Variants in NF1 observed in about 807,000 individuals in gnomAD.
NF1 encodes the protein neurofibromin 1, also known as neurofibromin.
A neutral mutation model predicts 325.7 loss-of-function variants in NF1; 122 were observed. The ratio of observed to expected loss-of-function variants is 0.37; its 90% CI spans 0.32 to 0.44. NF1 has a LOEUF of 0.44. Ranked by LOEUF, NF1 falls within the 20% of genes least tolerant of loss-of-function variation. NF1 has a pLI of 1.00. For missense variants in NF1, 2,140 were observed against 3,415.4 expected (o/e 0.63, Z 9.31); for synonymous variants, 1,091 against 1,186.0 (o/e 0.92, Z 1.65).
At chr17:31,292,082 C>A (rs1178259185) in intron 36 of NF1, among the ~76,000 whole-genome samples, 9 of 152,064 alleles carry the variant, frequency 5.9e-5, no homozygotes, top group Admixed American at 5.9e-4. Flanking sequence ...TTCTGCCAGC[C>A]CATTTTATAG....
At chr17:31,216,399 C>T (rs759298269) in intron 13 of NF1, among the ~76,000 whole-genome samples, 3 of 152,056 alleles carry the variant, frequency 2.0e-5, no homozygotes, top group Non-Finnish European at 4.4e-5. Context: ...ATAGAAGATT[C>T]GTTGTAAATA....
At chr17:31,331,979 G>T (rs1351192175) in intron 39 of NF1, 1 of 126,588 alleles carries the variant, frequency 7.9e-6, no homozygotes, top group African/African-American at 3.1e-5. Context: ...AAAAGAAGAG[G>T]AACAAGTGAA....
intron 37 of NF1, 49 bp from the exon 38 acceptor site, chr17:31,327,450 A>AAT: frequency 6.9e-7 from 1 of 1,448,426 alleles, no homozygotes; most frequent in Non-Finnish European, 9.6e-7. Flanking sequence ...AATTTTATGT[A>AAT]AAAGAGTTTA....
intron 57 of NF1, chr17:31,361,667 G>A (rs2070404003): frequency 6.6e-6 from 1 of 151,954 alleles, no homozygotes; most frequent in Non-Finnish European, 1.5e-5. Flanking sequence ...TTAAGTGTTA[G>A]CATAAATTTA....
intron 57 of NF1, among the ~76,000 whole-genome samples, chr17:31,373,025 A>C (rs2070674304): frequency 6.6e-6 from 1 of 152,180 alleles, no homozygotes; most frequent in South Asian, 2.1e-4. Flanking sequence ...CTAAATAAAT[A>C]ATCAATCATT....
intron 36 of NF1, chr17:31,318,875 T>G (rs571666003): frequency 1.2e-6 from 2 of 1,614,114 alleles, no homozygotes; most frequent in Non-Finnish European, 1.7e-6. Context: ...TTGTTTTGAA[T>G]AACTGAATCC....
At chr17:31,100,507 A>G (rs1205868514) in intron 1 of NF1, among the ~76,000 whole-genome samples, 1 of 152,164 alleles carries the variant, frequency 6.6e-6, no homozygotes, top group Non-Finnish European at 1.5e-5. Flanking sequence ...TGAATCGAGC[A>G]CAATAATGCT....
intron 1 of NF1, among the ~76,000 whole-genome samples, chr17:31,106,003 T>C (rs1912829678): frequency 6.6e-6 from 1 of 152,216 alleles, no homozygotes; most frequent in South Asian, 2.1e-4. Flanking sequence ...ATAATGACCT[T>C]TTGGGAAGTT....
At chr17:31,333,329 T>C (rs1385665027) in intron 39 of NF1, among the ~76,000 whole-genome samples, 1 of 152,236 alleles carries the variant, frequency 6.6e-6, no homozygotes, top group East Asian at 1.9e-4. Flanking sequence ...TATAGCATTA[T>C]TTTTATGTAG....
rs559310309 is a variant in NF1, at chr17:31,313,985, T to C, written c.4836-11835T>C. The C allele has an allele frequency of 8.3e-5, 33 of 398,116 alleles. No homozygotes were observed. In the South Asian group the frequency reaches 3.8e-3, roughly 46 times the overall value. 24.7% of individuals were successfully genotyped at this position (398,116 alleles called of 1,614,324 possible). ...TGTGTGAAAATTTTCTTACCTCAGC[T>C]GTTAACTTCTTTTGCAGAATGCTAA... On this transcript the variant is annotated intron_variant, in intron 36 of 57. Transcript: ENST00000358273.
chr17:31,260,364 T>A lies in NF1; in HGVS notation c.4431-5T>A. On this transcript the variant is annotated splice_polypyrimidine_tract_variant and splice_region_variant and intron_variant, in intron 33 of 57. Transcript: ENST00000358273. Reference sequence around the variant, plus strand: ...GAAAATTCTAATGACTTTGCATTTTTGAAGGTTTTTCCTTGATATAGCATC... The same window carrying A: ...GAAAATTCTAATGACTTTGCATTTTAGAAGGTTTTTCCTTGATATAGCATC... The A allele has an allele frequency of 6.2e-7, 1 of 1,613,746 alleles. No homozygotes were observed. Among genetic ancestry groups the A allele is most frequent in the Admixed American group, 1.7e-5 (1 of 60,020 alleles).
chr17:31,296,376 A>G (rs766631658), intron 36 of NF1: 30 of 1,611,762 alleles, frequency 1.9e-5, no homozygotes, highest in Non-Finnish European at 2.5e-5. Context: ...TAATATGCAA[A>G]TACAGTTTAG....
rs71360765 is a variant in NF1, at chr17:31,193,669, A to AAAAAC, written c.889-6730_889-6726dup. Among the ~76,000 whole-genome samples, 176 of 152,014 alleles carry AAAAAC rather than the reference A, an allele frequency of 1.2e-3. 1 individual carries two copies. The highest frequency in any genetic ancestry group is 3.2e-3 in the African/African-American group (133 of 41,522). Reference sequence around the variant, plus strand: ...AAGGAACTCTGATATCTCAACAGCAAAAAACAAAACAAAACAAAACAAAAC... The same window carrying AAAAAC: ...AAGGAACTCTGATATCTCAACAGCAAAAAACAAAACAAAACAAAACAAAACAAAAC... On this transcript the variant is annotated intron_variant, in intron 8 of 57. Coordinates refer to ENST00000358273, the MANE Select transcript of NF1 (RefSeq NM_001042492.3).
intron 56 of NF1, 131 bp downstream of exon 56, chr17:31,359,146 TTATAA>T (rs1397104854): frequency 1.3e-6 from 1 of 783,184 alleles, no homozygotes; most frequent in Non-Finnish European, 2.1e-6. Context: ...TATGTTACTT[TTATAA>T]AAAGTTTCTC....
intron 57 of NF1, among the ~76,000 whole-genome samples, chr17:31,364,464 A>G (rs1190690358): frequency 6.6e-6 from 1 of 152,110 alleles, no homozygotes; most frequent in Admixed American, 6.5e-5. Flanking sequence ...TTTGTCCAAC[A>G]TTTTCTACTA....
intron 34 of NF1, 75 bp downstream of exon 34, chr17:31,260,590 T>C (rs1263412861): frequency 8.6e-6 from 13 of 1,511,780 alleles, no homozygotes; most frequent in Non-Finnish European, 1.2e-5. Context: ...TGGTCATGAA[T>C]AGTGCTTTTT....
In NF1 at chr17:31,336,303, A is replaced by C; in HGVS notation, c.6007-30A>C. On this transcript the variant is annotated intron_variant, in intron 40 of 57. Coordinates refer to ENST00000358273, the MANE Select transcript of NF1 (RefSeq NM_001042492.3). The surrounding 1 kb of genome is among the most constrained non-coding windows in gnomAD (Gnocchi z 5.5). The stretch of plus-strand genomic sequence containing the variant: ...TAAAAATTAAATTGGTAGAGTGATT[A>C]AAAACATGTTATTTTCCTTCTTCAA... The C allele has an allele frequency of 6.2e-7, 1 of 1,610,358 alleles. No individual in the cohort carries two copies. The highest frequency in any genetic ancestry group is 2.2e-5 in the East Asian group (1 of 44,798).
chr17:31,302,569 C>T (rs1017344360), intron 36 of NF1, among the ~76,000 whole-genome samples: 2 of 152,070 alleles, frequency 1.3e-5, no homozygotes, highest in African/African-American at 2.4e-5. Context: ...GGGCCGGGCA[C>T]GGTGGCTCAC....
chr17:31,228,899 G>T, intron 20 of NF1, 126 bp from the exon 21 acceptor site: 1 of 708,064 alleles, frequency 1.4e-6, no homozygotes. Context: ...TTTATGGGTT[G>T]ATTTTAATGT....
Sources: allele counts gnomAD v4.1 joint callset (sites outside exome capture counted in the v4.1 genomes callset), GRCh38; gene constraint gnomAD v4.1.1; non-coding constraint Gnocchi (gnomAD v3.1); transcripts MANE v1.5; gene names NCBI Gene and HGNC (gene_info 2026-07-23, HGNC 2026-07-21).